Variants in KCND3 observed in about 807,000 individuals in gnomAD.
KCND3 encodes the protein A-type voltage-gated potassium channel KCND3.
In KCND3, 9 loss-of-function variants were observed where a neutral mutation model predicts 51.1. The ratio of observed to expected loss-of-function variants is 0.18; its 90% CI spans 0.11 to 0.31. The LOEUF is 0.31. Among genes scored for constraint, KCND3 ranks in the 10% least tolerant of loss-of-function variants. The pLI is 1.00. For missense variants in KCND3, 526 were observed against 903.8 expected (o/e 0.58, Z 5.36); for synonymous variants, 349 against 368.0 (o/e 0.95, Z 0.59).
At chr1:111,828,235 C>T (rs901117188) in intron 2 of KCND3, among the ~76,000 whole-genome samples, 2 of 152,090 alleles carry the variant, frequency 1.3e-5, no homozygotes, top group African/African-American at 4.8e-5. Context: ...AAAGCTTTTG[C>T]CTTTCCTCAC....
chr1:111,937,010 G>A (rs578240805), intron 2 of KCND3, among the ~76,000 whole-genome samples: 2 of 152,300 alleles, frequency 1.3e-5, no homozygotes, highest in Admixed American at 6.5e-5. Flanking sequence ...GAATAATTTT[G>A]CCTGATCAAT....
chr1:111,967,157 A>C (rs1216391890), intron 2 of KCND3, among the ~76,000 whole-genome samples: 5 of 151,244 alleles, frequency 3.3e-5, no homozygotes, highest in African/African-American at 1.2e-4. Flanking sequence ...AAAAAAACAA[A>C]AACAAAAAAA....
intron 2 of KCND3, among the ~76,000 whole-genome samples, chr1:111,956,716 C>G (rs1673361699): frequency 6.6e-6 from 1 of 152,150 alleles, no homozygotes; most frequent in East Asian, 1.9e-4. Context: ...TTGGCTTCCC[C>G]AGAGAAAAGC....
At chr1:111,952,137 T>C (rs1673090450) in intron 2 of KCND3, among the ~76,000 whole-genome samples, 1 of 152,180 alleles carries the variant, frequency 6.6e-6, no homozygotes, top group African/African-American at 2.4e-5. Flanking sequence ...ACAGTTACTG[T>C]CAAAAGTCTC....
At chr1:111,964,019 C>T (rs1034617861) in intron 2 of KCND3, among the ~76,000 whole-genome samples, 14 of 152,312 alleles carry the variant, frequency 9.2e-5, no homozygotes, top group African/African-American at 2.9e-4. Context: ...TTATCCCAAT[C>T]CTTAATCCTA....
At chr1:111,850,808 T>C (rs1030988419) in intron 2 of KCND3, among the ~76,000 whole-genome samples, 3 of 152,222 alleles carry the variant, frequency 2.0e-5, no homozygotes, top group Middle Eastern at 3.2e-3. Flanking sequence ...GCTGGCCCCA[T>C]GTTCAAACAC....
In KCND3 at chr1:111,808,042, G is replaced by A. The variant is rs567754057; in HGVS notation, c.1107-20936C>T. 7.2e-5 allele frequency among the ~76,000 whole-genome samples: 11 copies of A among 152,242 alleles called. 1 individual carries two copies. The East Asian group carries it at 1.5e-3, about 21-fold the overall frequency. The stretch of plus-strand genomic sequence containing the variant: ...GCACAGCTAAAATTAAGTAAGCAAC[G>A]AATGGGTTTATTAAATGCTAAATAA... On this transcript the variant is annotated intron_variant, in intron 2 of 7. Coordinates refer to ENST00000302127, the MANE Select transcript of KCND3 (RefSeq NM_001378969.1).
In KCND3 at chr1:111,775,845, TGG is replaced by T; in HGVS notation, c.*230_*231del. On this transcript the variant is annotated 3_prime_UTR_variant, in exon 8 of 8. Transcript: ENST00000302127. Reference sequence around the variant, plus strand: ...CCCCCCCACCCTCCCTCCCTTCCTCTGGCCCCAGTGAGATGCAGTATCACAGG... The same window carrying T: ...CCCCCCCACCCTCCCTCCCTTCCTCTCCCCAGTGAGATGCAGTATCACAGG... The T allele has an allele frequency of 1.9e-5, 2 of 106,180 alleles. No homozygotes were observed. The highest frequency in any genetic ancestry group is 3.4e-4 in the South Asian group (2 of 5,832). 6.6% of individuals were successfully genotyped at this position (106,180 alleles called of 1,614,324 possible).
intron 2 of KCND3, among the ~76,000 whole-genome samples, chr1:111,827,107 C>G (rs1041640573): frequency 1.3e-5 from 2 of 152,196 alleles, no homozygotes; most frequent in African/African-American, 4.8e-5. Context: ...GAATACTTAG[C>G]CTGTATGATT....
intron 2 of KCND3, among the ~76,000 whole-genome samples, chr1:111,903,665 GCTGCATACTCCCCACACTGA>G (rs1332765328): frequency 6.6e-6 from 1 of 152,226 alleles, no homozygotes; most frequent in Admixed American, 6.5e-5. Context: ...TGCCAGGCTG[GCTGCATACTCCCCACACTGA>G]CTGGCTGGGA....
At chr1:111,881,952 G>A (rs978164824) in intron 2 of KCND3, among the ~76,000 whole-genome samples, 17 of 152,120 alleles carry the variant, frequency 1.1e-4, no homozygotes, top group African/African-American at 4.1e-4. Flanking sequence ...TTCTGAGGGG[G>A]CCCCTGTTAA....
chr1:111,836,798 C>T (rs1667089825), intron 2 of KCND3, among the ~76,000 whole-genome samples: 1 of 152,190 alleles, frequency 6.6e-6, no homozygotes, highest in Non-Finnish European at 1.5e-5. Flanking sequence ...CAAGATCCCA[C>T]CTCTGAGTCT....
At chr1:111,896,209 G>T (rs1305638447) in intron 2 of KCND3, among the ~76,000 whole-genome samples, 2 of 152,062 alleles carry the variant, frequency 1.3e-5, no homozygotes, top group African/African-American at 4.8e-5. Flanking sequence ...CCGGAACCCG[G>T]GCCTATTGGC....
chr1:111,775,869 C>T lies in KCND3; in HGVS notation c.*208G>A, dbSNP rs1260519675. 3.0e-5 allele frequency: 11 copies of T among 361,670 alleles called. No individual in the cohort carries two copies. The highest frequency in any genetic ancestry group is 6.1e-5 in the Non-Finnish European group (11 of 179,750). 22.4% of individuals were successfully genotyped at this position (361,670 alleles called of 1,614,324 possible). On this transcript the variant is annotated 3_prime_UTR_variant, in exon 8 of 8. Transcript: ENST00000302127. The stretch of plus-strand genomic sequence containing the variant: ...CTGGCCCCAGTGAGATGCAGTATCA[C>T]AGGGCTATGTCCACGCTAGCAGCGT...
rs1168453592 is a variant in KCND3 at position 111,771,877 on chromosome 1, ATAGG to A, written c.*4196_*4199del. On this transcript the variant is annotated 3_prime_UTR_variant, in exon 8 of 8. Coordinates refer to ENST00000302127, the MANE Select transcript of KCND3 (RefSeq NM_001378969.1). ...CCTGAGCTTGGCACTAGTTATGAAA[ATAGG>A]AGATGAAGGAGAAATAGTACAGAGT... is the stretch of plus-strand genomic sequence containing the variant. The A allele has an allele frequency of 4.6e-5, 7 of 152,184 alleles. No homozygotes were observed. The highest frequency in any genetic ancestry group is 1.7e-4 in the African/African-American group (7 of 41,446). 9.4% of individuals were successfully genotyped at this position (152,184 alleles called of 1,614,324 possible). A position where few individuals can be genotyped will look rare whatever the true frequency, so the allele number is the denominator to read the frequency against.
chr1:111,832,040 T>C (rs979840284), intron 2 of KCND3, among the ~76,000 whole-genome samples: 1 of 152,180 alleles, frequency 6.6e-6, no homozygotes, highest in Non-Finnish European at 1.5e-5. Context: ...GCTTTAATCA[T>C]AACTCTAGCT....
At chr1:111,857,144 C>T (rs532723196) in intron 2 of KCND3, among the ~76,000 whole-genome samples, 5 of 152,296 alleles carry the variant, frequency 3.3e-5, no homozygotes, top group Admixed American at 6.5e-5. Flanking sequence ...ATCTGTAAAA[C>T]GCCTTGCAGT....
chr1:111,850,118 T>C (rs965019841), intron 2 of KCND3, among the ~76,000 whole-genome samples: 2 of 152,296 alleles, frequency 1.3e-5, no homozygotes, highest in African/African-American at 4.8e-5. Flanking sequence ...CTCTGTCCTT[T>C]TCTCTGCAGA....
intron 2 of KCND3, among the ~76,000 whole-genome samples, chr1:111,842,138 G>A (rs1166279787): frequency 1.3e-5 from 2 of 152,166 alleles, no homozygotes; most frequent in Admixed American, 6.5e-5. Context: ...AAGGGGCCCA[G>A]GTGTTTTGGA....
Sources: allele counts gnomAD v4.1 joint callset (sites outside exome capture counted in the v4.1 genomes callset), GRCh38; gene constraint gnomAD v4.1.1; transcripts MANE v1.5; gene names NCBI Gene and HGNC (gene_info 2026-07-23, HGNC 2026-07-21).